The following RANBP17 variants were observed in gnomAD, a reference collection of about 807,000 sequenced individuals.
The protein encoded by RANBP17 is RAN binding protein 17.
In RANBP17, 158 loss-of-function variants were observed where a neutral mutation model predicts 141.2. The observed-to-expected ratio is 1.12, with a 90% CI of 0.98 to 1.28. The LOEUF is 1.28. RANBP17 is among the 50% of genes most tolerant of loss of function. The pLI is 0.00. For synonymous variants in RANBP17, 430 were observed against 450.0 expected (o/e 0.96, Z 0.56); for missense variants, 1,438 against 1,290.7 (o/e 1.11, Z -1.75).
intron 14 of RANBP17, among the ~76,000 whole-genome samples, chr5:171,114,833 G>T (rs1755498199): frequency 6.6e-6 from 1 of 151,698 alleles, no homozygotes; most frequent in Non-Finnish European, 1.5e-5. Flanking sequence ...CTTATGAGTG[G>T]CCAAGTATGG....
At chr5:171,099,229 G>T (rs956075418) in intron 14 of RANBP17, among the ~76,000 whole-genome samples, 1 of 152,046 alleles carries the variant, frequency 6.6e-6, no homozygotes, top group African/African-American at 2.4e-5. Context: ...CACAATATTG[G>T]TTCTTCCTAT....
chr5:171,102,287 A>T (rs1335481229), intron 14 of RANBP17, among the ~76,000 whole-genome samples: 1 of 151,980 alleles, frequency 6.6e-6, no homozygotes, highest in Non-Finnish European at 1.5e-5. Flanking sequence ...GGCTTTGTTC[A>T]TTCTTTTTCA....
intron 14 of RANBP17, among the ~76,000 whole-genome samples, chr5:171,000,889 G>A (rs1238281185): frequency 6.6e-6 from 1 of 152,176 alleles, no homozygotes; most frequent in African/African-American, 2.4e-5. Context: ...ATCAGTTAGG[G>A]TGGGGCAGAA....
chr5:171,248,652 C>T (rs577118075), intron 24 of RANBP17, among the ~76,000 whole-genome samples: 1 of 152,330 alleles, frequency 6.6e-6, no homozygotes, highest in South Asian at 2.1e-4. Context: ...CTGGGTCACT[C>T]ACCCTTCCAG....
chr5:171,020,524 C>T (rs1163232488), intron 14 of RANBP17, among the ~76,000 whole-genome samples: 1 of 151,694 alleles, frequency 6.6e-6, no homozygotes, highest in Non-Finnish European at 1.5e-5. Context: ...TACGTAATGC[C>T]CTTCCTTGTC....
chr5:171,298,433 C>A (rs1268803654), intron 27 of RANBP17, among the ~76,000 whole-genome samples: 2 of 151,894 alleles, frequency 1.3e-5, no homozygotes, highest in Non-Finnish European at 2.9e-5. Context: ...AACTTTTGTT[C>A]TTTTTTTTAT....
At chr5:171,197,697 A>G (rs1008741975) in intron 18 of RANBP17, among the ~76,000 whole-genome samples, 6 of 152,220 alleles carry the variant, frequency 3.9e-5, no homozygotes, top group Non-Finnish European at 8.8e-5. Context: ...TGCTATTATT[A>G]GATGTATGCT....
At chr5:170,919,292 C>A in intron 10 of RANBP17, 149 bp from the exon 11 acceptor site, 1 of 511,390 alleles carries the variant, frequency 2.0e-6, no homozygotes, top group East Asian at 3.3e-5. Flanking sequence ...TACTTTTTTG[C>A]ATTTATAAAT....
chr5:171,171,395 A>T (rs1011952476), intron 16 of RANBP17, 109 bp downstream of exon 16: 2 of 584,614 alleles, frequency 3.4e-6, no homozygotes, highest in Non-Finnish European at 3.0e-6. Flanking sequence ...TTAAAAAAAT[A>T]AAAAGACCTT....
intron 12 of RANBP17, among the ~76,000 whole-genome samples, chr5:170,932,345 A>G (rs1773463111): frequency 6.6e-6 from 1 of 152,208 alleles, no homozygotes. Context: ...CAATCATGTC[A>G]TCTGCAAACA....
At chr5:171,029,482 A>G (rs183742573) in intron 14 of RANBP17, among the ~76,000 whole-genome samples, 2 of 152,242 alleles carry the variant, frequency 1.3e-5, no homozygotes, top group African/African-American at 4.8e-5. Flanking sequence ...ATTAGAGCTA[A>G]CATTTGCACT....
intron 14 of RANBP17, among the ~76,000 whole-genome samples, chr5:171,163,282 T>C (rs1759472120): frequency 6.6e-6 from 1 of 152,224 alleles, no homozygotes; most frequent in Non-Finnish European, 1.5e-5. Flanking sequence ...GTTTGTGTAT[T>C]TAATATACAG....
At chr5:171,041,581 A>G (rs575765793) in intron 14 of RANBP17, among the ~76,000 whole-genome samples, 3 of 152,250 alleles carry the variant, frequency 2.0e-5, no homozygotes, top group South Asian at 4.1e-4. Context: ...GGTATAGCCT[A>G]CTACACACCT....
At chr5:171,119,161 T>C (rs928233738) in intron 14 of RANBP17, among the ~76,000 whole-genome samples, 3 of 152,194 alleles carry the variant, frequency 2.0e-5, no homozygotes, top group Non-Finnish European at 2.9e-5. Context: ...CTTCATTCTA[T>C]TGATGTGACA....
chr5:170,894,529 A>G lies in RANBP17; in HGVS notation c.424-1521A>G, dbSNP rs987351988. On this transcript the variant is annotated intron_variant, in intron 4 of 27. Coordinates refer to ENST00000523189, the MANE Select transcript of RANBP17 (RefSeq NM_022897.5). ...ATATGGCTTGACCTAACCCTGCATC[A>G]TGAGAAAGTCAATTTTGGCTTTAGT... 2.2e-5 allele frequency among the ~76,000 whole-genome samples: 3 copies of G among 138,008 alleles called. No homozygotes were observed. In the Admixed American group the frequency reaches 2.2e-4, roughly 10 times the overall value. The allele number at this position is 138,008 out of a possible 152,430, so 90.5% of individuals were successfully genotyped here. A position where few individuals can be genotyped will look rare whatever the true frequency, so the allele number is the denominator to read the frequency against.
chr5:171,221,410 C>T (rs1763547562), intron 21 of RANBP17, among the ~76,000 whole-genome samples: 1 of 152,138 alleles, frequency 6.6e-6, no homozygotes, highest in African/African-American at 2.4e-5. Flanking sequence ...AAGTATTTGT[C>T]TAAACTTAGA....
intron 12 of RANBP17, among the ~76,000 whole-genome samples, chr5:170,945,461 A>G (rs376040595): frequency 5.9e-5 from 9 of 152,290 alleles, no homozygotes; most frequent in African/African-American, 1.9e-4. Context: ...TTTACATGCA[A>G]AATACCAGTT....
At chr5:171,285,106 C>G (rs528976364) in intron 25 of RANBP17, among the ~76,000 whole-genome samples, 5 of 152,376 alleles carry the variant, frequency 3.3e-5, no homozygotes, top group African/African-American at 1.2e-4. Flanking sequence ...ATGCCAAGCT[C>G]TGTCTCCAGT....
rs11739586 is a variant in RANBP17 at position 171,299,697 on chromosome 5, C to G, written c.*839C>G. On this transcript the variant is annotated 3_prime_UTR_variant, in exon 28 of 28. Coordinates refer to ENST00000523189, the MANE Select transcript of RANBP17 (RefSeq NM_022897.5). ...CTTCTTAGGGCTACCCAAAACAGTT[C>G]TAGGTGCTAAAATTCAGATTTTCAG... 4.4e-6 allele frequency: 1 copy of G among 227,504 alleles called. No individual in the cohort carries two copies. Among genetic ancestry groups the G allele is most frequent in the Non-Finnish European group, 8.7e-6 (1 of 114,440 alleles). 14.1% of individuals were successfully genotyped at this position (227,504 alleles called of 1,614,324 possible). A position where few individuals can be genotyped will look rare whatever the true frequency, so the allele number is the denominator to read the frequency against.
Sources: allele counts gnomAD v4.1 joint callset (sites outside exome capture counted in the v4.1 genomes callset), GRCh38; gene constraint gnomAD v4.1.1; transcripts MANE v1.5; gene names NCBI Gene and HGNC (gene_info 2026-07-23, HGNC 2026-07-21).